The following CFAP20DC variants were observed in gnomAD, a reference collection of about 807,000 sequenced individuals.
CFAP20DC encodes protein CFAP20DC.
In CFAP20DC, 84 loss-of-function variants were observed where a neutral mutation model predicts 101.7. The ratio of observed to expected loss-of-function variants is 0.83; its 90% confidence interval spans 0.69 to 0.99. The LOEUF is 0.99. Among genes scored for constraint, CFAP20DC ranks in the 50% least tolerant of loss-of-function variants. The pLI, the probability that CFAP20DC is intolerant of heterozygous loss-of-function variation, is 0.00. For missense variants in CFAP20DC, 1,007 were observed against 970.3 expected (o/e 1.04, Z -0.50); for synonymous variants, 359 against 351.2 (o/e 1.02, Z -0.25).
In CFAP20DC at chr3:58,758,024, G is replaced by C. The variant is rs112237631; in HGVS notation, c.2238-4161C>G. ...CTGTGAGTATCCCAAGAGGAGGCTG[G>C]AGTATGCAGCATTGCCCAAATTTAT... On this transcript the variant is annotated intron_variant, in intron 15 of 16. Transcript: ENST00000482387. Among the ~76,000 whole-genome samples, 25 of 152,202 alleles carry C rather than the reference G, an allele frequency of 1.6e-4. 1 individual carries two copies. Among genetic ancestry groups the C allele is most frequent in the African/African-American group, 5.8e-4 (24 of 41,524 alleles).
rs2073160076 is a variant in CFAP20DC, at chr3:58,795,346, G to T, written c.2237+11049C>A. On this transcript the variant is annotated intron_variant, in intron 15 of 16. Coordinates refer to ENST00000482387, the MANE Select transcript of CFAP20DC (RefSeq NM_001394063.1). The surrounding 1 kb of genome is among the most constrained non-coding windows in gnomAD (Gnocchi z 4.2). ...GCCCCGCTCTCCACTGGTTAAAGAT[G>T]TCAAGATTCTGCCAGGTGCCGTGGC... is the stretch of plus-strand genomic sequence containing the variant. Among the ~76,000 whole-genome samples the T allele has an allele frequency of 6.6e-6, 1 of 152,176 alleles. No homozygotes were observed. Among genetic ancestry groups the T allele is most frequent in the Admixed American group, 6.5e-5 (1 of 15,284 alleles).
At chr3:58,925,562 C>T (rs1243412688) in intron 5 of CFAP20DC, among the ~76,000 whole-genome samples, 2 of 152,112 alleles carry the variant, frequency 1.3e-5, no homozygotes, top group Non-Finnish European at 2.9e-5. Flanking sequence ...TATGATGATA[C>T]CATATTTACA....
At chr3:58,980,509 G>C (rs1000402931) in intron 4 of CFAP20DC, among the ~76,000 whole-genome samples, 15 of 152,140 alleles carry the variant, frequency 9.9e-5, no homozygotes, top group Non-Finnish European at 2.1e-4. Flanking sequence ...TATCCACCAT[G>C]ATCAAGTGGG....
chr3:58,781,627 C>A (rs763505566), intron 15 of CFAP20DC, among the ~76,000 whole-genome samples: 1 of 151,978 alleles, frequency 6.6e-6, no homozygotes, highest in Admixed American at 6.6e-5. Context: ...CATGGAAATA[C>A]AAAAGATCAT....
chr3:58,843,637 C>T (rs1426092176), intron 13 of CFAP20DC, among the ~76,000 whole-genome samples: 4 of 151,758 alleles, frequency 2.6e-5, no homozygotes, highest in South Asian at 2.1e-4. Flanking sequence ...GGCAGGCCAA[C>T]GTTCAGATTC....
intron 12 of CFAP20DC, among the ~76,000 whole-genome samples, chr3:58,856,780 G>T (rs2078869768): frequency 6.6e-6 from 1 of 152,164 alleles, no homozygotes. Context: ...GTTCTAAGAT[G>T]GTATTGGTAG....
Position 58,869,335 on chromosome 3 carries a change from A to T in CFAP20DC, c.1008T>A (p.Pro336=), listed in dbSNP as rs758779562. ...ENIHQIKQTV[P]IHAANLHIMH... ...TGCATGATTATTTCTTACCATGAAT[A>T]GGTACAGTCTGCTTTATTTGGTGAA... is the stretch of plus-strand genomic sequence containing the variant. The change falls in exon 9 of 17, where the codon CCT becomes CCA. Residue 336 remains proline (P), a synonymous_variant. Coordinates refer to ENST00000482387, the MANE Select transcript of CFAP20DC (RefSeq NM_001394063.1). The surrounding 1 kb of genome is among the most constrained non-coding windows in gnomAD (Gnocchi z 4.3). The T allele has an allele frequency of 2.5e-6, 4 of 1,610,048 alleles. No homozygotes were observed. In the South Asian group the frequency reaches 4.4e-5, roughly 18 times the overall value.
At chr3:58,893,032 TA>T (rs1481639227) in intron 6 of CFAP20DC, among the ~76,000 whole-genome samples, 1 of 151,536 alleles carries the variant, frequency 6.6e-6, no homozygotes, top group Non-Finnish European at 1.5e-5. Context: ...TGAGAGTTTT[TA>T]ACATGAAGGA....
chr3:58,816,923 C>G (rs1559638907), intron 14 of CFAP20DC, among the ~76,000 whole-genome samples: 2 of 152,164 alleles, frequency 1.3e-5, no homozygotes, highest in African/African-American at 2.4e-5. Context: ...GTGGTTCTCC[C>G]AGCACGCAGC....
chr3:59,000,691 A>G (rs2093283883), intron 4 of CFAP20DC, among the ~76,000 whole-genome samples: 1 of 152,134 alleles, frequency 6.6e-6, no homozygotes, highest in Non-Finnish European at 1.5e-5. Context: ...ATGGAGGCAG[A>G]GAGTGGGTGG....
intron 6 of CFAP20DC, among the ~76,000 whole-genome samples, chr3:58,906,910 C>T (rs556444286): frequency 4.1e-4 from 63 of 152,212 alleles, no homozygotes; most frequent in African/African-American, 1.2e-3. Flanking sequence ...GCCTGGGCAA[C>T]GGAGTGAGAT....
In CFAP20DC at chr3:58,895,404, C is replaced by T. The variant is rs774000949; in HGVS notation, c.551-10695G>A. 3.5e-4 allele frequency among the ~76,000 whole-genome samples: 54 copies of T among 152,290 alleles called. 1 individual carries two copies. The highest frequency in any genetic ancestry group is 3.4e-3 in the Middle Eastern group (1 of 294). On this transcript the variant is annotated intron_variant, in intron 6 of 16. Transcript: ENST00000482387. Reference sequence around the variant, plus strand: ...CATCCCTCTCAAGGTCAAAGTTCCACAAATCTAGGATATGGGCAAAATGCC... The same window carrying T: ...CATCCCTCTCAAGGTCAAAGTTCCATAAATCTAGGATATGGGCAAAATGCC...
intron 4 of CFAP20DC, among the ~76,000 whole-genome samples, chr3:58,996,065 C>G (rs62252899): frequency 1.3e-5 from 2 of 151,120 alleles, no homozygotes; most frequent in South Asian, 4.2e-4. Flanking sequence ...AATATAATTA[C>G]TAATTTCATG....
chr3:58,931,470 T>C (rs2086671087), intron 5 of CFAP20DC, among the ~76,000 whole-genome samples: 2 of 152,174 alleles, frequency 1.3e-5, no homozygotes, highest in African/African-American at 4.8e-5. Context: ...GACTGCCTCC[T>C]CAAGTGGGTC....
At position 59,049,619 on chromosome 3, in the gene CFAP20DC, C is replaced by G. The variant is rs1389658890; in HGVS notation, c.13G>C (p.Glu5Gln). The G allele has an allele frequency of 3.3e-6, 5 of 1,536,050 alleles. No individual in the cohort carries two copies. In the Admixed American group the frequency reaches 7.8e-5, roughly 24 times the overall value. The change falls in exon 1 of 17, where the codon GAG becomes CAG. Residue 5 changes from glutamate to glutamine, a missense_variant. By Grantham distance (29) the Glu-to-Gln change is conservative. Transcript: ENST00000482387. ...GAACCGTTTCGGGTTACCTGGTACT[C>G]ATTTTTGAACATTCCCGCAGGGGGC... The part of the protein sequence containing the change: MFKN[E>Q]YQGGAFVEIF...
At chr3:58,908,589 T>A (rs902056859) in intron 6 of CFAP20DC, among the ~76,000 whole-genome samples, 1 of 152,202 alleles carries the variant, frequency 6.6e-6, no homozygotes, top group Non-Finnish European at 1.5e-5. Flanking sequence ...GAAGACAGTT[T>A]GCAAGTTTCT....
rs1433265216 is a variant in CFAP20DC, at chr3:58,788,556, CTGCATGTCTG to C, written c.2237+17829_2237+17838del. Among the ~76,000 whole-genome samples, 1 of 152,134 alleles carries C rather than the reference CTGCATGTCTG, an allele frequency of 6.6e-6. No individual in the cohort carries two copies. The highest frequency in any genetic ancestry group is 2.4e-5 in the African/African-American group (1 of 41,440). ...AATGGGATGCTAACATATTCCCGTG[CTGCATGTCTG>C]GATGAACACATGGCTAGGCTGGGAT... On this transcript the variant is annotated intron_variant, in intron 15 of 16. Transcript: ENST00000482387. The surrounding 1 kb of genome is among the most constrained non-coding windows in gnomAD (Gnocchi z 4.2).
At chr3:59,023,139 C>T (rs2093832121) in intron 4 of CFAP20DC, among the ~76,000 whole-genome samples, 1 of 149,810 alleles carries the variant, frequency 6.7e-6, no homozygotes, top group South Asian at 2.1e-4. Flanking sequence ...GTCCTGTTCA[C>T]CTGCTTTCTA....
chr3:59,047,681 C>T (rs1457601735), intron 1 of CFAP20DC, among the ~76,000 whole-genome samples: 4 of 152,228 alleles, frequency 2.6e-5, no homozygotes, highest in Non-Finnish European at 4.4e-5. Flanking sequence ...GCTTTCTAGT[C>T]ATACTGACTG....
Sources: gnomAD v4.1 joint callset for allele counts (sites outside exome capture counted in the v4.1 genomes callset) on GRCh38, gnomAD v4.1.1 for gene constraint, Gnocchi (gnomAD v3.1) non-coding constraint, MANE v1.5 for transcripts, NCBI Gene and HGNC (gene_info 2026-07-23, HGNC 2026-07-21) for gene names.